CADM2: variants seen among roughly 807,000 people sequenced by gnomAD.
The protein encoded by CADM2 is cell adhesion molecule 2.
A neutral mutation model predicts 49.8 loss-of-function variants in CADM2; 12 were observed. The observed-to-expected ratio is 0.24, with a 90% CI of 0.15 to 0.39. CADM2 has a LOEUF of 0.39. Among genes scored for constraint, CADM2 ranks in the 10% least tolerant of loss-of-function variants. The probability of loss-of-function intolerance (pLI) is 1.00; values close to 1 mark genes in which losing one functional copy is unlikely to be tolerated. For synonymous variants in CADM2, 214 were observed against 175.4 expected (o/e 1.22, Z -1.74); for missense variants, 378 against 492.3 (o/e 0.77, Z 2.20).
intron 1 of CADM2, among the ~76,000 whole-genome samples, chr3:85,106,546 G>A (rs1035261408): frequency 4.6e-5 from 7 of 152,122 alleles, no homozygotes; most frequent in Admixed American, 2.0e-4. Context: ...TATGTGAGAG[G>A]TACCATGGTA....
chr3:85,700,028 A>G (rs1169377357), intron 1 of CADM2, among the ~76,000 whole-genome samples: 2 of 152,194 alleles, frequency 1.3e-5, no homozygotes, highest in Non-Finnish European at 2.9e-5. Flanking sequence ...ATAAAGACAC[A>G]TGCACACGTA....
chr3:85,127,370 G>A (rs77515097), intron 1 of CADM2, among the ~76,000 whole-genome samples: 4,634 of 152,184 alleles, frequency 0.03, 101 homozygotes, highest in South Asian at 0.045. Flanking sequence ...AAAACTATAT[G>A]TTTTCAGTAA....
chr3:85,624,021 T>C (rs994466039), intron 1 of CADM2, among the ~76,000 whole-genome samples: 1 of 152,120 alleles, frequency 6.6e-6, no homozygotes, highest in African/African-American at 2.4e-5. Context: ...AAATGTTGTC[T>C]TAAGGCCAAA....
At chr3:85,774,869 A>G (rs2070280342) in intron 2 of CADM2, among the ~76,000 whole-genome samples, 1 of 151,754 alleles carries the variant, frequency 6.6e-6, no homozygotes, top group Non-Finnish European at 1.5e-5. Flanking sequence ...CAACACCGAT[A>G]GAACCACTAG....
At chr3:85,166,394 T>G (rs549913613) in intron 1 of CADM2, among the ~76,000 whole-genome samples, 4 of 151,828 alleles carry the variant, frequency 2.6e-5, no homozygotes, top group Non-Finnish European at 5.9e-5. Flanking sequence ...GAAAGCATGA[T>G]ATATGAGAAT....
intron 2 of CADM2, among the ~76,000 whole-genome samples, chr3:85,766,435 G>T (rs936222873): frequency 6.6e-6 from 1 of 152,110 alleles, no homozygotes; most frequent in Non-Finnish European, 1.5e-5. Context: ...ATAAAGAAGA[G>T]GTTCTTAGAT....
chr3:85,590,580 A>G (rs992629845), intron 1 of CADM2, among the ~76,000 whole-genome samples: 1 of 152,008 alleles, frequency 6.6e-6, no homozygotes, highest in Non-Finnish European at 1.5e-5. Context: ...AATTATACAA[A>G]TTCCATTTAA....
chr3:85,652,772 CTTTTTTTT>C (rs34756757), intron 1 of CADM2, among the ~76,000 whole-genome samples: 47 of 50,788 alleles, frequency 9.3e-4, no homozygotes, highest in Middle Eastern at 0.026. Context: ...TTTTTCTTTT[CTTTTTTTT>C]TTTTTTTTTT....
At chr3:85,541,714 TATA>T (rs1438132720) in intron 1 of CADM2, among the ~76,000 whole-genome samples, 4 of 37,104 alleles carry the variant, frequency 1.1e-4, no homozygotes, top group South Asian at 1.0e-3. Context: ...ATATATATTT[TATA>T]TTATATATAT....
At chr3:85,756,896 A>G (rs958529114) in intron 2 of CADM2, among the ~76,000 whole-genome samples, 1 of 152,148 alleles carries the variant, frequency 6.6e-6, no homozygotes, top group Non-Finnish European at 1.5e-5. Flanking sequence ...GAGACGTTTT[A>G]TATAATTGGA....
chr3:85,509,312 A>G (rs1050617023), intron 1 of CADM2, among the ~76,000 whole-genome samples: 2 of 152,136 alleles, frequency 1.3e-5, no homozygotes, highest in South Asian at 2.1e-4. Flanking sequence ...CTATTTTGAC[A>G]CAGGGTTTCT....
chr3:85,240,334 ATTTAT>A (rs1442965613), intron 1 of CADM2, among the ~76,000 whole-genome samples: 1 of 151,468 alleles, frequency 6.6e-6, no homozygotes, highest in Non-Finnish European at 1.5e-5. Context: ...TGATAATGCT[ATTTAT>A]TTTATTTTAT....
intron 3 of CADM2, among the ~76,000 whole-genome samples, chr3:85,864,372 T>C (rs756351601): frequency 2.6e-5 from 4 of 152,212 alleles, no homozygotes; most frequent in Non-Finnish European, 4.4e-5. Context: ...TAGTATTCTT[T>C]GCATTTATCT....
At chr3:85,419,805 G>A (rs1406125207) in intron 1 of CADM2, among the ~76,000 whole-genome samples, 1 of 152,070 alleles carries the variant, frequency 6.6e-6, no homozygotes, top group Non-Finnish European at 1.5e-5. Flanking sequence ...ATTAAACTTG[G>A]TATCTACTAA....
chr3:85,658,574 G>GTTTATATA (rs1553656698), intron 1 of CADM2, among the ~76,000 whole-genome samples: 2 of 55,498 alleles, frequency 3.6e-5, no homozygotes, highest in Non-Finnish European at 6.5e-5. Context: ...TTGGATATAT[G>GTTTATATA]TGTATATATA....
At chr3:85,366,870 G>A (rs545927766) in intron 1 of CADM2, among the ~76,000 whole-genome samples, 19 of 151,904 alleles carry the variant, frequency 1.3e-4, no homozygotes, top group Non-Finnish European at 2.5e-4. Context: ...CATATATAAT[G>A]ATAGAGGTAT....
chr3:85,566,333 T>A (rs2062253560), intron 1 of CADM2, among the ~76,000 whole-genome samples: 1 of 151,148 alleles, frequency 6.6e-6, no homozygotes, highest in Admixed American at 6.6e-5. Context: ...TTTAAGTGAT[T>A]TTTTTTTTAC....
At chr3:85,386,187 T>G (rs1182369780) in intron 1 of CADM2, among the ~76,000 whole-genome samples, 1 of 152,176 alleles carries the variant, frequency 6.6e-6, no homozygotes, top group Non-Finnish European at 1.5e-5. Context: ...CATACCTGTG[T>G]ATAAATTCAA....
intron 1 of CADM2, among the ~76,000 whole-genome samples, chr3:85,118,316 G>A (rs947747342): frequency 6.6e-6 from 1 of 152,168 alleles, no homozygotes; most frequent in Non-Finnish European, 1.5e-5. Flanking sequence ...TTAACAATGA[G>A]TATCTTCAAT....
Sources: gnomAD v4.1 joint callset for allele counts (sites outside exome capture counted in the v4.1 genomes callset) on GRCh38, gnomAD v4.1.1 for gene constraint, MANE v1.5 for transcripts, NCBI Gene and HGNC (gene_info 2026-07-23, HGNC 2026-07-21) for gene names.